The following HNRNPC variants were observed in gnomAD, a reference collection of about 807,000 sequenced individuals.
HNRNPC encodes heterogeneous nuclear ribonucleoproteins C1/C2.
Under a neutral mutation model 33.2 loss-of-function variants are expected in HNRNPC, and 3 were observed. The ratio of observed to expected loss-of-function variants is 0.09; its 90% CI spans 0.04 to 0.23. HNRNPC has a LOEUF of 0.23. HNRNPC is among the 10% of genes least tolerant of loss of function. The pLI is 1.00. For synonymous variants in HNRNPC, 121 were observed against 126.7 expected, an observed-to-expected ratio of 0.96 and a Z score of 0.30; for missense variants, 143 against 366.7, an observed-to-expected ratio of 0.39 and a Z score of 4.98.
At chr14:21,265,486 G>C (rs1164127719) in intron 1 of HNRNPC, 2 of 152,124 alleles carry the variant, frequency 1.3e-5, no homozygotes, top group Non-Finnish European at 2.9e-5. Flanking sequence ...CTCATAAAAA[G>C]ACCAACTTTA....
intron 1 of HNRNPC, chr14:21,264,804 C>G (rs758225281): frequency 3.3e-5 from 5 of 152,106 alleles, no homozygotes; most frequent in African/African-American, 4.8e-5. Flanking sequence ...CAGGGTAGAG[C>G]ACGGCTTGAG....
intron 5 of HNRNPC, among the ~76,000 whole-genome samples, chr14:21,228,094 A>G (rs1466856262): frequency 6.6e-6 from 1 of 152,234 alleles, no homozygotes; most frequent in Non-Finnish European, 1.5e-5. Context: ...TGGCATGAGT[A>G]TATTTTAAAT....
intron 1 of HNRNPC, among the ~76,000 whole-genome samples, chr14:21,266,113 A>G (rs1878933239): frequency 6.6e-6 from 1 of 152,110 alleles, no homozygotes; most frequent in Non-Finnish European, 1.5e-5. Context: ...ATCAATTATT[A>G]TCATTTTTTT....
At chr14:21,214,878 C>G (rs1445529817) in intron 5 of HNRNPC, among the ~76,000 whole-genome samples, 1 of 152,152 alleles carries the variant, frequency 6.6e-6, no homozygotes. Context: ...AATAAGTTAT[C>G]CATATCCATG....
At chr14:21,267,999 T>C (rs530992802) in intron 1 of HNRNPC, among the ~76,000 whole-genome samples, 5 of 152,270 alleles carry the variant, frequency 3.3e-5, no homozygotes, top group South Asian at 2.1e-4. Context: ...TCCTATCAAA[T>C]AGATTGCCTT....
At position 21,259,087 on chromosome 14, in the gene HNRNPC, CCTCT is replaced by C. The variant is rs752102954; in HGVS notation, c.-37+4220_-37+4223del. 3.3e-5 allele frequency among the ~76,000 whole-genome samples: 5 copies of C among 152,158 alleles called. No homozygotes were observed. The South Asian group carries it at 8.3e-4, about 25-fold the overall frequency. On this transcript the variant is annotated intron_variant, in intron 2 of 8. Transcript: ENST00000553300. ...CTATGAAATGTTTGGTCCTTGCCTACCTCTCTAACTCCATCCCTCATCTATGTAT... is the reference window on the plus strand; with the variant it reads ...CTATGAAATGTTTGGTCCTTGCCTACCTAACTCCATCCCTCATCTATGTAT...
intron 1 of HNRNPC, chr14:21,263,670 T>A (rs1396131747): frequency 6.6e-6 from 1 of 152,156 alleles, no homozygotes; most frequent in African/African-American, 2.4e-5. Flanking sequence ...AAAACACCTG[T>A]ACATTTGCTG....
rs940706578 is a variant in HNRNPC, at chr14:21,246,003, G to A, written c.-36-11774C>T. ...TGGGAACACAGATGTGCACCACCAC[G>A]CCTGACTACGGGGTTTGACCATGTT... On this transcript the variant is annotated intron_variant, in intron 2 of 8. Transcript: ENST00000553300. 4.6e-5 allele frequency among the ~76,000 whole-genome samples: 7 copies of A among 151,960 alleles called. No individual in the cohort carries two copies. In the South Asian group the frequency reaches 1.0e-3, roughly 22 times the overall value.
intron 2 of HNRNPC, among the ~76,000 whole-genome samples, chr14:21,237,042 T>C (rs10129976): frequency 0.022 from 3,338 of 152,212 alleles, 120 homozygotes; most frequent in African/African-American, 0.076. Context: ...AGGAACGAAA[T>C]TTTAGAAAAG....
intron 5 of HNRNPC, among the ~76,000 whole-genome samples, chr14:21,226,451 C>T (rs1254718087): frequency 2.0e-5 from 3 of 152,038 alleles, no homozygotes; most frequent in Non-Finnish European, 4.4e-5. Flanking sequence ...TTCCCAATCT[C>T]GCTTAATTCA....
chr14:21,212,284 C>T (rs1345132337), intron 6 of HNRNPC, among the ~76,000 whole-genome samples: 1 of 152,036 alleles, frequency 6.6e-6, no homozygotes, highest in African/African-American at 2.4e-5. Context: ...GCTACAGGCA[C>T]GCACCACTGC....
At chr14:21,264,951 A>G (rs1878737919) in intron 1 of HNRNPC, 1 of 152,206 alleles carries the variant, frequency 6.6e-6, no homozygotes, top group African/African-American at 2.4e-5. Context: ...CAGGAGTTCG[A>G]GGCTGCAGTG....
intron 2 of HNRNPC, among the ~76,000 whole-genome samples, chr14:21,238,352 A>G (rs982950986): frequency 6.6e-6 from 1 of 152,356 alleles, no homozygotes; most frequent in Admixed American, 6.5e-5. Context: ...TAGGAGACAT[A>G]AATGAACTAC....
At chr14:21,245,502 AT>A (rs113319182) in intron 2 of HNRNPC, among the ~76,000 whole-genome samples, 27,455 of 151,194 alleles carry the variant, frequency 0.18, 2,872 homozygotes, top group African/African-American at 0.27. Flanking sequence ...GCCAAAAAAA[AT>A]ATATATATAT....
intron 5 of HNRNPC, among the ~76,000 whole-genome samples, chr14:21,224,340 C>A (rs1262803013): frequency 6.6e-6 from 1 of 152,150 alleles, no homozygotes; most frequent in African/African-American, 2.4e-5. Context: ...CTAATTTTCT[C>A]TCTCTACCAA....
At chr14:21,226,892 AAAAGGGG>A (rs1893510147) in intron 5 of HNRNPC, among the ~76,000 whole-genome samples, 1 of 98,734 alleles carries the variant, frequency 1.0e-5, no homozygotes, top group Admixed American at 9.7e-5. Context: ...AAAAAAAAAA[AAAAGGGG>A]GGGGGGGGAC....
intron 5 of HNRNPC, among the ~76,000 whole-genome samples, chr14:21,219,298 G>GTTATA (rs1332103606): frequency 6.6e-6 from 1 of 152,110 alleles, no homozygotes. Context: ...TTCTATCTTG[G>GTTATA]TTATAGTTAT....
intron 2 of HNRNPC, among the ~76,000 whole-genome samples, chr14:21,246,552 G>A (rs1193976001): frequency 2.0e-5 from 3 of 148,272 alleles, no homozygotes; most frequent in African/African-American, 7.6e-5. Context: ...GGGAGACAGA[G>A]TGAGACTCCG....
chr14:21,262,013 G>C (rs946080781), intron 2 of HNRNPC, among the ~76,000 whole-genome samples: 1 of 152,200 alleles, frequency 6.6e-6, no homozygotes, highest in Non-Finnish European at 1.5e-5. Flanking sequence ...GCTGGGTCTT[G>C]AGTCACCACT....
Sources: gnomAD v4.1 joint callset for allele counts (sites outside exome capture counted in the v4.1 genomes callset) on GRCh38, gnomAD v4.1.1 for gene constraint, MANE v1.5 for transcripts, NCBI Gene and HGNC (gene_info 2026-07-23, HGNC 2026-07-21) for gene names.